Variants in TRERF1 observed in about 807,000 individuals in gnomAD.
The protein encoded by TRERF1 is transcriptional-regulating factor 1.
Under a neutral mutation model 122.9 loss-of-function variants are expected in TRERF1, and 27 were observed. The observed-to-expected ratio is 0.22, with a 90% CI of 0.16 to 0.30. The LOEUF is 0.30. Among genes scored for constraint, TRERF1 ranks in the 10% least tolerant of loss-of-function variants. TRERF1 has a pLI of 1.00. For synonymous variants in TRERF1, 636 were observed against 641.7 expected (o/e 0.99, Z 0.13); for missense variants, 1,248 against 1,560.3 (o/e 0.80, Z 3.37).
intron 2 of TRERF1, among the ~76,000 whole-genome samples, chr6:42,382,514 G>A (rs1323414548): frequency 2.0e-5 from 3 of 151,398 alleles, no homozygotes; most frequent in Non-Finnish European, 2.9e-5. Context: ...TAGGACACAG[G>A]GTACTGACTT....
chr6:42,445,345 C>CACACACAG (rs1230444287), intron 2 of TRERF1, among the ~76,000 whole-genome samples: 876 of 66,420 alleles, frequency 0.013, 6 homozygotes, highest in Middle Eastern at 0.046. Context: ...GGAAACACTA[C>CACACACAG]ACACACAGAC....
intron 3 of TRERF1, among the ~76,000 whole-genome samples, chr6:42,343,244 A>G (rs1270646765): frequency 6.6e-6 from 1 of 152,104 alleles, no homozygotes; most frequent in African/African-American, 2.4e-5. Context: ...GTTACAAACA[A>G]CTCGCTCTAA....
chr6:42,444,178 C>CTTTT (rs201969394), intron 2 of TRERF1, among the ~76,000 whole-genome samples: 39 of 133,854 alleles, frequency 2.9e-4, no homozygotes, highest in Non-Finnish European at 5.7e-4. Context: ...GCAGCCTTTG[C>CTTTT]TTTTTTTTTT....
At chr6:42,333,953 C>T (rs1485227925) in intron 3 of TRERF1, among the ~76,000 whole-genome samples, 4 of 151,624 alleles carry the variant, frequency 2.6e-5, no homozygotes, top group East Asian at 1.9e-4. Context: ...CCTAGGTGAG[C>T]TTTCAGCTGA....
chr6:42,298,009 G>A (rs34538558), intron 4 of TRERF1, among the ~76,000 whole-genome samples: 1 of 151,816 alleles, frequency 6.6e-6, no homozygotes, highest in Non-Finnish European at 1.5e-5. Context: ...AGAAATGAGA[G>A]ACCAGAAAAA....
At chr6:42,283,660 A>C (rs1782700133) in intron 4 of TRERF1, among the ~76,000 whole-genome samples, 1 of 116,212 alleles carries the variant, frequency 8.6e-6, no homozygotes. Flanking sequence ...CTTGTTGCCT[A>C]GGCTGGAGTG....
chr6:42,372,855 CCCCACTACGGAGGA>C (rs1774017782), intron 2 of TRERF1, among the ~76,000 whole-genome samples: 1 of 152,142 alleles, frequency 6.6e-6, no homozygotes, highest in Non-Finnish European at 1.5e-5. Context: ...GTGGGTGGGG[CCCCACTACGGAGGA>C]ATGAGACCCT....
chr6:42,414,534 C>G (rs1313092966), intron 2 of TRERF1, among the ~76,000 whole-genome samples: 1 of 152,224 alleles, frequency 6.6e-6, no homozygotes, highest in Admixed American at 6.5e-5. Flanking sequence ...GAGATCTAGT[C>G]TTACGACTAG....
chr6:42,243,871 C>T (rs1446509766), intron 14 of TRERF1, among the ~76,000 whole-genome samples: 1 of 148,890 alleles, frequency 6.7e-6, no homozygotes. Context: ...TGAGTCACTG[C>T]GCCCAGCCTT....
intron 2 of TRERF1, among the ~76,000 whole-genome samples, chr6:42,428,277 C>T (rs950098631): frequency 6.6e-6 from 1 of 152,182 alleles, no homozygotes; most frequent in Non-Finnish European, 1.5e-5. Context: ...TTTATCAGTA[C>T]CATCTGCATT....
In TRERF1 at chr6:42,355,279, CTGAT is replaced by C. The variant is rs549526933; in HGVS notation, c.-371+7714_-371+7717del. On this transcript the variant is annotated intron_variant, in intron 3 of 17. Coordinates refer to ENST00000372922, the Ensembl canonical transcript of TRERF1. The stretch of plus-strand genomic sequence containing the variant: ...AAAGTGGTATATAAAAACTTAAAAA[CTGAT>C]TGAATACACTTTTGGAATTAATGAG... Among the ~76,000 whole-genome samples, 22 of 152,200 alleles carry C rather than the reference CTGAT, an allele frequency of 1.4e-4. No homozygotes were observed. In the East Asian group the frequency reaches 2.9e-3, roughly 20 times the overall value.
intron 4 of TRERF1, among the ~76,000 whole-genome samples, chr6:42,285,088 C>T (rs912686536): frequency 5.9e-5 from 9 of 152,062 alleles, no homozygotes; most frequent in Admixed American, 2.6e-4. Flanking sequence ...GCCATTTTCA[C>T]GATATTGAGT....
chr6:42,337,093 C>T (rs1427698513), intron 3 of TRERF1, among the ~76,000 whole-genome samples: 4 of 152,112 alleles, frequency 2.6e-5, no homozygotes, highest in Non-Finnish European at 2.9e-5. Context: ...TGAGGCATGT[C>T]CATGGGCACC....
intron 13 of TRERF1, among the ~76,000 whole-genome samples, chr6:42,252,365 A>G (rs1490316256): frequency 6.6e-6 from 1 of 152,116 alleles, no homozygotes; most frequent in East Asian, 1.9e-4. Flanking sequence ...TTCTCCCCAA[A>G]CTTACAGCCT....
At chr6:42,352,518 A>G (rs989036940) in intron 3 of TRERF1, among the ~76,000 whole-genome samples, 10 of 152,252 alleles carry the variant, frequency 6.6e-5, no homozygotes, top group Non-Finnish European at 1.0e-4. Flanking sequence ...GCAGTGTTAT[A>G]TGGTGAAATC....
chr6:42,408,154 T>C (rs1010053698), intron 2 of TRERF1, among the ~76,000 whole-genome samples: 2 of 150,736 alleles, frequency 1.3e-5, no homozygotes, highest in Non-Finnish European at 3.0e-5. Flanking sequence ...TAACATGTCT[T>C]ATCCATTGGT....
rs558158968 is a variant in TRERF1 at position 42,313,430 on chromosome 6, T to C, written c.-370-12681A>G. On this transcript the variant is annotated intron_variant, in intron 3 of 17. Transcript: ENST00000372922. ...TCAATTGCTAAGCCTCATCTCTCTC[T>C]CTCTGTTTCTCTCTCTTTCCTTGGA... Among the ~76,000 whole-genome samples, 3 of 152,244 alleles carry C rather than the reference T, an allele frequency of 2.0e-5. No individual in the cohort carries two copies. In the East Asian group the frequency reaches 5.8e-4, roughly 29 times the overall value.
At chr6:42,262,427 CTA>C (rs1778124425) in intron 8 of TRERF1, among the ~76,000 whole-genome samples, 1 of 57,338 alleles carries the variant, frequency 1.7e-5, no homozygotes, top group African/African-American at 7.3e-5. Context: ...CACAAATTCC[CTA>C]GGGGCAGAGA....
intron 3 of TRERF1, among the ~76,000 whole-genome samples, chr6:42,314,346 A>G (rs534319972): frequency 1.3e-5 from 2 of 152,184 alleles, no homozygotes; most frequent in Non-Finnish European, 2.9e-5. Flanking sequence ...CGAACTCTTC[A>G]TCAACATAAA....
Sources: allele counts gnomAD v4.1 joint callset (sites outside exome capture counted in the v4.1 genomes callset), GRCh38; gene constraint gnomAD v4.1.1; transcripts MANE v1.5; gene names NCBI Gene and HGNC (gene_info 2026-07-23, HGNC 2026-07-21).